Variants in THSD7B observed in about 807,000 individuals in gnomAD.
THSD7B encodes thrombospondin type 1 domain containing 7B, also known as thrombospondin type-1 domain-containing protein 7B.
In THSD7B, 138 loss-of-function variants were observed where a neutral mutation model predicts 213.6. The observed-to-expected ratio is 0.65, with a 90% CI of 0.56 to 0.74. THSD7B has a LOEUF of 0.74. Ranked by LOEUF, THSD7B falls within the 30% of genes least tolerant of loss-of-function variation. The pLI, the probability that THSD7B is intolerant of heterozygous loss-of-function variation, is 0.00. For missense variants in THSD7B, 1,931 were observed against 1,991.5 expected, an observed-to-expected ratio of 0.97 and a Z score of 0.58; for synonymous variants, 742 against 687.0, an observed-to-expected ratio of 1.08 and a Z score of -1.25.
chr2:137,180,187 C>T (rs1680429216), intron 7 of THSD7B, among the ~76,000 whole-genome samples: 1 of 152,046 alleles, frequency 6.6e-6, no homozygotes, highest in Non-Finnish European at 1.5e-5. Context: ...TTACTGTGTA[C>T]AGTAGGTCAG....
chr2:137,638,387 A>G (rs552257812), intron 20 of THSD7B, among the ~76,000 whole-genome samples: 1 of 152,036 alleles, frequency 6.6e-6, no homozygotes, highest in Non-Finnish European at 1.5e-5. Flanking sequence ...TTCTCTTGTT[A>G]CCTCCATGTA....
chr2:137,501,561 A>G (rs986853459), intron 15 of THSD7B, among the ~76,000 whole-genome samples: 6 of 152,186 alleles, frequency 3.9e-5, no homozygotes, highest in Non-Finnish European at 7.3e-5. Flanking sequence ...GCTATTATTC[A>G]TCTTAGATGA....
intron 1 of THSD7B, among the ~76,000 whole-genome samples, chr2:136,785,324 G>A (rs1267665910): frequency 6.6e-6 from 1 of 152,126 alleles, no homozygotes; most frequent in Admixed American, 6.5e-5. Flanking sequence ...ATGTTTGGCT[G>A]TTCCCCTTGC....
At chr2:136,828,328 T>C (rs1447732023) in intron 1 of THSD7B, among the ~76,000 whole-genome samples, 1 of 152,166 alleles carries the variant, frequency 6.6e-6, no homozygotes, top group African/African-American at 2.4e-5. Flanking sequence ...CATTGACAAC[T>C]GTCTCTTTCC....
chr2:137,162,775 C>T (rs894227527), intron 6 of THSD7B, among the ~76,000 whole-genome samples: 3 of 150,830 alleles, frequency 2.0e-5, no homozygotes, highest in Admixed American at 1.3e-4. Flanking sequence ...TCCCTTTCCC[C>T]TTCTTTTGAG....
At chr2:136,974,549 A>T (rs1424359744) in intron 2 of THSD7B, among the ~76,000 whole-genome samples, 1 of 152,180 alleles carries the variant, frequency 6.6e-6, no homozygotes. Flanking sequence ...TAATGGCTGC[A>T]TAGTATTCCA....
intron 2 of THSD7B, among the ~76,000 whole-genome samples, chr2:137,040,551 A>C (rs1686864000): frequency 6.6e-6 from 1 of 151,636 alleles, no homozygotes; most frequent in African/African-American, 2.4e-5. Context: ...ACACCACCAC[A>C]CCTGGCTAAT....
intron 14 of THSD7B, among the ~76,000 whole-genome samples, chr2:137,434,598 A>T (rs1242829550): frequency 6.6e-6 from 1 of 152,198 alleles, no homozygotes; most frequent in African/African-American, 2.4e-5. Context: ...TCAGGTAGTG[A>T]TGCTGTTCAG....
rs2104836901 is a variant in THSD7B, at chr2:137,677,315, G to GAAAT, written c.*712_*715dup. 1 of 152,630 alleles carries GAAAT rather than the reference G, an allele frequency of 6.6e-6. No homozygotes were observed. Among genetic ancestry groups the GAAAT allele is most frequent in the African/African-American group, 2.4e-5 (1 of 41,576 alleles). 9.5% of individuals were successfully genotyped at this position (152,630 alleles called of 1,614,324 possible). On this transcript the variant is annotated 3_prime_UTR_variant, in exon 28 of 28. Transcript: ENST00000409968. ...GTACTGAATGTTAGAGTGTACAAATGAAATATGTGGTTAAATTGGAGAATG... is the reference window on the plus strand; with the variant it reads ...GTACTGAATGTTAGAGTGTACAAATGAAATAAATATGTGGTTAAATTGGAGAATG...
chr2:137,141,531 T>A (rs1315539889), intron 5 of THSD7B, among the ~76,000 whole-genome samples: 2 of 151,306 alleles, frequency 1.3e-5, no homozygotes, highest in Non-Finnish European at 2.9e-5. Context: ...CAGGAATGCA[T>A]GCAAAACTGG....
At chr2:136,849,382 C>T (rs1683061011) in intron 1 of THSD7B, among the ~76,000 whole-genome samples, 1 of 152,154 alleles carries the variant, frequency 6.6e-6, no homozygotes, top group Non-Finnish European at 1.5e-5. Context: ...TATTTGAACG[C>T]TAGTCTTTTT....
intron 15 of THSD7B, among the ~76,000 whole-genome samples, chr2:137,483,866 T>A (rs1259322975): frequency 6.6e-6 from 1 of 152,132 alleles, no homozygotes; most frequent in Non-Finnish European, 1.5e-5. Context: ...TGTTCATGGA[T>A]AGAAACTTGA....
chr2:137,407,191 G>A (rs1205211425), intron 13 of THSD7B, among the ~76,000 whole-genome samples: 4 of 151,970 alleles, frequency 2.6e-5, no homozygotes, highest in African/African-American at 9.7e-5. Context: ...TACCATTTTT[G>A]TTATGAATTG....
At chr2:137,487,137 G>C (rs1688469698) in intron 15 of THSD7B, among the ~76,000 whole-genome samples, 1 of 150,098 alleles carries the variant, frequency 6.7e-6, no homozygotes, top group Admixed American at 6.6e-5. Flanking sequence ...GGGAGGCCGA[G>C]GCGGGTGGAT....
chr2:137,543,208 A>G (rs1415343216), intron 15 of THSD7B, among the ~76,000 whole-genome samples: 2 of 151,772 alleles, frequency 1.3e-5, no homozygotes, highest in Non-Finnish European at 2.9e-5. Context: ...TTACTGGCTG[A>G]CTAAAATAAT....
intron 2 of THSD7B, among the ~76,000 whole-genome samples, chr2:136,928,975 CAG>C (rs1364550144): frequency 7.2e-5 from 11 of 151,984 alleles, no homozygotes; most frequent in Admixed American, 3.3e-4. Flanking sequence ...ACTAGAGAAA[CAG>C]AAATGAAATT....
At chr2:137,606,931 G>A (rs912814001) in intron 17 of THSD7B, among the ~76,000 whole-genome samples, 1 of 152,054 alleles carries the variant, frequency 6.6e-6, no homozygotes, top group African/African-American at 2.4e-5. Flanking sequence ...GTGGCATATA[G>A]ATAAATATGA....
intron 7 of THSD7B, among the ~76,000 whole-genome samples, chr2:137,207,187 GC>G (rs1233648762): frequency 6.6e-6 from 1 of 152,068 alleles, no homozygotes; most frequent in Non-Finnish European, 1.5e-5. Context: ...TGTTCTTAAT[GC>G]TTTTATATGT....
At chr2:137,491,139 A>G (rs1256971807) in intron 15 of THSD7B, among the ~76,000 whole-genome samples, 1 of 152,250 alleles carries the variant, frequency 6.6e-6, no homozygotes, top group East Asian at 1.9e-4. Flanking sequence ...CTGTGCAATG[A>G]AACTATAACC....
Sources: gnomAD v4.1 joint callset for allele counts (sites outside exome capture counted in the v4.1 genomes callset) on GRCh38, gnomAD v4.1.1 for gene constraint, MANE v1.5 for transcripts, NCBI Gene and HGNC (gene_info 2026-07-23, HGNC 2026-07-21) for gene names.